Variants in PTPRD observed in about 807,000 individuals in gnomAD.
PTPRD encodes the protein protein tyrosine phosphatase receptor type D.
Under a neutral mutation model 214.5 loss-of-function variants are expected in PTPRD, and 34 were observed. The observed-to-expected ratio is 0.16, with a 90% CI of 0.12 to 0.21. PTPRD has a LOEUF of 0.21. PTPRD is among the 10% of genes least tolerant of loss of function. The pLI is 1.00. For synonymous variants in PTPRD, 1,128 were observed against 845.7 expected (o/e 1.33, Z -5.79); for missense variants, 2,545 against 2,398.7 (o/e 1.06, Z -1.27).
At chr9:9,764,776 C>T (rs1318598030) in intron 6 of PTPRD, among the ~76,000 whole-genome samples, 2 of 152,128 alleles carry the variant, frequency 1.3e-5, no homozygotes, top group African/African-American at 4.8e-5. Flanking sequence ...CAGACTCATA[C>T]TTCAAACCCA....
At chr9:8,555,322 C>G (rs1428647697) in intron 14 of PTPRD, among the ~76,000 whole-genome samples, 1 of 152,052 alleles carries the variant, frequency 6.6e-6, no homozygotes, top group Admixed American at 6.6e-5. Flanking sequence ...TGGGAGGATC[C>G]TGCGAGCACA....
intron 11 of PTPRD, among the ~76,000 whole-genome samples, chr9:8,983,440 G>T (rs1054212296): frequency 3.3e-5 from 5 of 151,956 alleles, no homozygotes; most frequent in South Asian, 4.1e-4. Flanking sequence ...CCGAGTTAGT[G>T]TTCAATACGT....
At chr9:8,329,987 G>C (rs988005864) in intron 44 of PTPRD, among the ~76,000 whole-genome samples, 9 of 151,708 alleles carry the variant, frequency 5.9e-5, no homozygotes, top group Non-Finnish European at 1.3e-4. Context: ...GGCTCTGTGG[G>C]GGTGGGACAC....
At chr9:10,263,848 A>G (rs939695714) in intron 3 of PTPRD, among the ~76,000 whole-genome samples, 1 of 152,078 alleles carries the variant, frequency 6.6e-6, no homozygotes, top group Non-Finnish European at 1.5e-5. Flanking sequence ...GCCTGGAGGC[A>G]TAGGAGGAAA....
intron 5 of PTPRD, among the ~76,000 whole-genome samples, chr9:9,817,259 G>C (rs73641373): frequency 0.046 from 6,924 of 152,170 alleles, 504 homozygotes; most frequent in African/African-American, 0.15. Flanking sequence ...ACAACGATTA[G>C]GGACTACTGT....
chr9:8,543,677 C>T (rs2079068731), intron 14 of PTPRD, among the ~76,000 whole-genome samples: 1 of 152,166 alleles, frequency 6.6e-6, no homozygotes, highest in Non-Finnish European at 1.5e-5. Context: ...AAAATATAAT[C>T]AAGAATGTTT....
intron 12 of PTPRD, among the ~76,000 whole-genome samples, chr9:8,709,242 C>T (rs997467862): frequency 2.6e-5 from 4 of 152,036 alleles, no homozygotes; most frequent in Non-Finnish European, 4.4e-5. Flanking sequence ...AGGCCAGGCG[C>T]AGTGGCTCGC....
At position 9,359,670 on chromosome 9, in the gene PTPRD, T is replaced by C. The variant is rs1333120; in HGVS notation, c.-203+37779A>G. Among the ~76,000 whole-genome samples the C allele has an allele frequency of 8.6e-3, 1,307 of 151,352 alleles. 23 individuals are homozygous for C. Among genetic ancestry groups the C allele is most frequent in the African/African-American group, 0.03 (1,249 of 41,430 alleles). ...CTACTTTCTGTGGAACTCATATACC[T>C]CATTTGAACTTGGTTCTAAGCTGAT... On this transcript the variant is annotated intron_variant, in intron 9 of 45. Coordinates refer to ENST00000381196, the MANE Select transcript of PTPRD (RefSeq NM_002839.4).
At chr9:8,551,831 T>C (rs1313994296) in intron 14 of PTPRD, among the ~76,000 whole-genome samples, 1 of 152,170 alleles carries the variant, frequency 6.6e-6, no homozygotes, top group Admixed American at 6.6e-5. Flanking sequence ...TTTATCAACA[T>C]ATAATCAGCA....
At chr9:10,600,440 C>T (rs769362869) in intron 2 of PTPRD, among the ~76,000 whole-genome samples, 56 of 151,722 alleles carry the variant, frequency 3.7e-4, no homozygotes, top group Non-Finnish European at 7.2e-4. Flanking sequence ...TAACTCTATA[C>T]ATGCCATACT....
chr9:8,448,030 G>A (rs2095801712), intron 34 of PTPRD, among the ~76,000 whole-genome samples: 1 of 152,074 alleles, frequency 6.6e-6, no homozygotes, highest in African/African-American at 2.4e-5. Context: ...CCATTATTAA[G>A]AAGTTGCCTG....
At chr9:9,809,926 T>G (rs2046605333) in intron 5 of PTPRD, among the ~76,000 whole-genome samples, 1 of 152,086 alleles carries the variant, frequency 6.6e-6, no homozygotes, top group Non-Finnish European at 1.5e-5. Flanking sequence ...TTATGTAAAT[T>G]CAATAACAGA....
chr9:10,510,689 T>C (rs1438732287), intron 2 of PTPRD, among the ~76,000 whole-genome samples: 1 of 152,196 alleles, frequency 6.6e-6, no homozygotes, highest in African/African-American at 2.4e-5. Flanking sequence ...ATTTTAAACA[T>C]TGATTATTTC....
intron 2 of PTPRD, among the ~76,000 whole-genome samples, chr9:10,436,294 A>C (rs2154522032): frequency 6.6e-6 from 1 of 151,914 alleles, no homozygotes; most frequent in African/African-American, 2.4e-5. Context: ...AAATCACATA[A>C]ATTGTTTTCA....
intron 6 of PTPRD, among the ~76,000 whole-genome samples, chr9:9,753,629 G>T (rs181173533): frequency 6.6e-6 from 1 of 151,976 alleles, no homozygotes; most frequent in Non-Finnish European, 1.5e-5. Context: ...TGAGCTTAGG[G>T]TATGAAAGTT....
intron 4 of PTPRD, among the ~76,000 whole-genome samples, chr9:10,028,935 G>A (rs886518867): frequency 2.6e-5 from 4 of 152,116 alleles, no homozygotes; most frequent in African/African-American, 9.7e-5. Flanking sequence ...TGCCATCACA[G>A]GCCCAGAAGC....
intron 11 of PTPRD, among the ~76,000 whole-genome samples, chr9:8,850,316 G>C (rs1037177032): frequency 2.6e-5 from 4 of 152,108 alleles, no homozygotes; most frequent in Non-Finnish European, 5.9e-5. Flanking sequence ...GCAGGAGACA[G>C]TACAGATAGC....
chr9:9,036,902 C>G (rs1451755981), intron 10 of PTPRD, among the ~76,000 whole-genome samples: 1 of 152,138 alleles, frequency 6.6e-6, no homozygotes, highest in Non-Finnish European at 1.5e-5. Flanking sequence ...CAACTTTGTT[C>G]ATTCTGTATT....
At chr9:10,067,924 T>C (rs1478241045) in intron 3 of PTPRD, among the ~76,000 whole-genome samples, 1 of 151,944 alleles carries the variant, frequency 6.6e-6, no homozygotes, top group African/African-American at 2.4e-5. Flanking sequence ...ACCCATGTGA[T>C]GTTACTGAAC....
Sources: gnomAD v4.1 joint callset for allele counts (sites outside exome capture counted in the v4.1 genomes callset) on GRCh38, gnomAD v4.1.1 for gene constraint, MANE v1.5 for transcripts, NCBI Gene and HGNC (gene_info 2026-07-23, HGNC 2026-07-21) for gene names.